NBAS: variants seen among roughly 807,000 people sequenced by gnomAD.
The protein encoded by NBAS is NBAS subunit of NRZ tethering complex.
In NBAS, 219 loss-of-function variants were observed where a neutral mutation model predicts 302.5. The observed-to-expected ratio is 0.72, with a 90% CI of 0.65 to 0.81. The LOEUF is 0.81. Ranked by LOEUF, NBAS falls within the 30% of genes least tolerant of loss-of-function variation. NBAS has a pLI of 0.00. For synonymous variants in NBAS, 1,118 were observed against 1,021.6 expected, an observed-to-expected ratio of 1.09 and a Z score of -1.80; for missense variants, 2,932 against 2,841.6, an observed-to-expected ratio of 1.03 and a Z score of -0.72.
At chr2:14,878,305 G>A in the NBAS span, among the ~76,000 whole-genome samples, 6 of 152,166 alleles carry the variant, frequency 3.9e-5, no homozygotes, top group Non-Finnish European at 8.8e-5. Context: ...GAACTGCAAC[G>A]CCATTGCAGC....
At chr2:15,394,092 T>C (rs939297538) in intron 28 of NBAS, 135 bp downstream of exon 28, 9 of 1,026,774 alleles carry the variant, frequency 8.8e-6, no homozygotes, top group Non-Finnish European at 1.1e-5. Flanking sequence ...TCAAAACTTA[T>C]CAAATTATAC....
chr2:14,862,656 A>G, the NBAS span, among the ~76,000 whole-genome samples: 1 of 152,250 alleles, frequency 6.6e-6, no homozygotes, highest in Non-Finnish European at 1.5e-5. Flanking sequence ...GCACATGTAA[A>G]ATCGCCTAGT....
rs116969843 is a variant in NBAS, at chr2:15,491,824, C to T, written c.955-2802G>A. Among the ~76,000 whole-genome samples, 136 of 152,222 alleles carry T rather than the reference C, an allele frequency of 8.9e-4. 1 individual carries two copies. In the East Asian group the frequency reaches 0.024, roughly 26 times the overall value. The stretch of plus-strand genomic sequence containing the variant: ...TTTCCTTATGAAAGCTCCCATGTCA[C>T]ATAAAATTTACATTAAATCTATCAG... On this transcript the variant is annotated intron_variant, in intron 11 of 51. Coordinates refer to ENST00000281513, the MANE Select transcript of NBAS (RefSeq NM_015909.4).
the NBAS span, among the ~76,000 whole-genome samples, chr2:15,043,306 C>T: frequency 6.6e-6 from 1 of 152,184 alleles, no homozygotes; most frequent in Non-Finnish European, 1.5e-5. Context: ...AGCTTGGCTC[C>T]TAGTCCTGCT....
At chr2:15,170,250 C>T (rs1383667322) in intron 51 of NBAS, among the ~76,000 whole-genome samples, 1 of 152,202 alleles carries the variant, frequency 6.6e-6, no homozygotes, top group African/African-American at 2.4e-5. Flanking sequence ...TGTTTCTATC[C>T]AGTGCAACCA....
At chr2:14,894,548 T>C in the NBAS span, among the ~76,000 whole-genome samples, 1 of 151,726 alleles carries the variant, frequency 6.6e-6, no homozygotes, top group Non-Finnish European at 1.5e-5. Flanking sequence ...AAAATATATA[T>C]ATAAATATAA....
chr2:15,316,976 G>C (rs1445794749), intron 38 of NBAS, among the ~76,000 whole-genome samples: 1 of 152,162 alleles, frequency 6.6e-6, no homozygotes, highest in Non-Finnish European at 1.5e-5. Context: ...CCCAGTAGGG[G>C]CCAACAGACA....
chr2:15,060,245 T>TC, the NBAS span, among the ~76,000 whole-genome samples: 1 of 151,982 alleles, frequency 6.6e-6, no homozygotes, highest in Non-Finnish European at 1.5e-5. Context: ...CAAATCTCCA[T>TC]CCCCCCTGCC....
At chr2:15,383,463 C>A in intron 28 of NBAS, 146 bp from the exon 29 acceptor site, 1 of 705,372 alleles carries the variant, frequency 1.4e-6, no homozygotes, top group East Asian at 2.7e-5. Flanking sequence ...AAGAATATAT[C>A]TCCTTTAAAT....
At chr2:15,446,415 A>G (rs1370231867) in intron 21 of NBAS, among the ~76,000 whole-genome samples, 1 of 152,196 alleles carries the variant, frequency 6.6e-6, no homozygotes, top group Non-Finnish European at 1.5e-5. Context: ...ACGAGGTACT[A>G]AACAAGTACA....
chr2:15,055,975 T>C, the NBAS span, among the ~76,000 whole-genome samples: 1 of 152,234 alleles, frequency 6.6e-6, no homozygotes, highest in Non-Finnish European at 1.5e-5. Context: ...CTTTTACTTG[T>C]ATTTAATTTT....
At chr2:15,493,829 C>CTT (rs10715868) in intron 11 of NBAS, among the ~76,000 whole-genome samples, 9 of 113,556 alleles carry the variant, frequency 7.9e-5, no homozygotes, top group South Asian at 2.8e-4. Flanking sequence ...GCAATTTTCT[C>CTT]TTTTTTTTTT....
intron 41 of NBAS, 117 bp downstream of exon 41, chr2:15,292,420 A>G: frequency 9.1e-7 from 1 of 1,096,516 alleles, no homozygotes; most frequent in East Asian, 2.6e-5. Flanking sequence ...GGAAAGCCCT[A>G]TTCATAGCAA....
At chr2:15,050,237 A>T in the NBAS span, among the ~76,000 whole-genome samples, 1 of 151,638 alleles carries the variant, frequency 6.6e-6, no homozygotes, top group Non-Finnish European at 1.5e-5. Context: ...CATGGTATAT[A>T]TCCTTTTTTT....
At chr2:15,386,195 G>A (rs920971248) in intron 28 of NBAS, among the ~76,000 whole-genome samples, 4 of 152,124 alleles carry the variant, frequency 2.6e-5, no homozygotes, top group East Asian at 1.9e-4. Flanking sequence ...GTGTAACACC[G>A]TATAGCTGCA....
At chr2:15,085,677 T>A in the NBAS span, among the ~76,000 whole-genome samples, 1 of 152,314 alleles carries the variant, frequency 6.6e-6, no homozygotes, top group South Asian at 2.1e-4. Flanking sequence ...GGCCTCTGTG[T>A]GCTCTTGGGG....
chr2:15,462,308 G>C (rs1334514474), intron 19 of NBAS, among the ~76,000 whole-genome samples: 1 of 152,126 alleles, frequency 6.6e-6, no homozygotes, highest in African/African-American at 2.4e-5. Context: ...AAATCTAGTA[G>C]GAAAGACCAG....
At chr2:15,492,505 G>A (rs1206885977) in intron 11 of NBAS, among the ~76,000 whole-genome samples, 4 of 152,164 alleles carry the variant, frequency 2.6e-5, no homozygotes, top group Admixed American at 2.0e-4. Context: ...CACCCAGGCT[G>A]GAGTGCACTG....
intron 28 of NBAS, chr2:15,393,608 G>C (rs74873532): frequency 2.8e-4 from 93 of 329,374 alleles, no homozygotes; most frequent in Admixed American, 3.7e-4. Flanking sequence ...ATTTGTCTGA[G>C]AGAAATGAAA....
Sources: allele counts gnomAD v4.1 joint callset (sites outside exome capture counted in the v4.1 genomes callset), GRCh38; gene constraint gnomAD v4.1.1; transcripts MANE v1.5; gene names NCBI Gene and HGNC (gene_info 2026-07-23, HGNC 2026-07-21).